BTRC: variants seen among roughly 807,000 people sequenced by gnomAD.
BTRC encodes F-box/WD repeat-containing protein 1A.
Under a neutral mutation model 85.5 loss-of-function variants are expected in BTRC, and 42 were observed. That is an observed-to-expected ratio of 0.49 (90% CI 0.38 to 0.64). The LOEUF is 0.64. Among genes scored for constraint, BTRC ranks in the 30% least tolerant of loss-of-function variants. The probability of loss-of-function intolerance (pLI) is 0.00; values close to 1 mark genes in which losing one functional copy is unlikely to be tolerated. For missense variants in BTRC, 594 were observed against 743.5 expected (o/e 0.80, Z 2.34); for synonymous variants, 255 against 263.3 (o/e 0.97, Z 0.30).
At chr10:101,369,088 G>A (rs758970801) in intron 1 of BTRC, among the ~76,000 whole-genome samples, 5 of 152,052 alleles carry the variant, frequency 3.3e-5, no homozygotes, top group Admixed American at 6.6e-5. Context: ...CTATCCCACC[G>A]TTTTAATTTG....
At position 101,457,124 on chromosome 10, in the gene BTRC, C is replaced by T. The variant is rs569785680; in HGVS notation, c.157-4857C>T. ...TAAGAATAAAATAGAACAGTTATAA[C>T]TATACTGTAATAAAAGTTACATGAA... On this transcript the variant is annotated intron_variant, in intron 2 of 14. Transcript: ENST00000370187. Among the ~76,000 whole-genome samples the T allele has an allele frequency of 2.6e-5, 4 of 152,236 alleles. No individual in the cohort carries two copies. The East Asian group carries it at 7.7e-4, about 29-fold the overall frequency.
intron 1 of BTRC, among the ~76,000 whole-genome samples, chr10:101,404,024 ATATATATT>A (rs1943555227): frequency 4.2e-5 from 1 of 24,074 alleles, no homozygotes; most frequent in South Asian, 2.2e-3. Flanking sequence ...ATATATATAT[ATATATATT>A]TTTTTTTTTT....
In BTRC at chr10:101,498,991, C is replaced by CT. The variant is rs1438215046; in HGVS notation, c.324+19535dup. The stretch of plus-strand genomic sequence containing the variant: ...CTGGGCAACAAGAGCGAGACTCTGT[C>CT]TCAAAAAAAAAACAGAAAAAAATAA... On this transcript the variant is annotated intron_variant, in intron 4 of 14. Transcript: ENST00000370187. 4.6e-5 allele frequency among the ~76,000 whole-genome samples: 7 copies of CT among 151,194 alleles called. No individual in the cohort carries two copies. In the East Asian group the frequency reaches 1.2e-3, roughly 25 times the overall value.
chr10:101,402,499 C>G (rs1943516590), intron 1 of BTRC, among the ~76,000 whole-genome samples: 2 of 152,094 alleles, frequency 1.3e-5, no homozygotes, highest in Admixed American at 1.3e-4. Context: ...AGGAGCTGCT[C>G]CCCCTCTTCG....
chr10:101,366,372 C>T (rs1299927453), intron 1 of BTRC, among the ~76,000 whole-genome samples: 1 of 152,040 alleles, frequency 6.6e-6, no homozygotes, highest in Non-Finnish European at 1.5e-5. Context: ...TTCTCTAGAG[C>T]TTCACAATCT....
At chr10:101,439,017 G>T (rs1343710977) in intron 2 of BTRC, among the ~76,000 whole-genome samples, 1 of 152,120 alleles carries the variant, frequency 6.6e-6, no homozygotes, top group African/African-American at 2.4e-5. Flanking sequence ...CACCCCAGCT[G>T]GCAGTAAGCT....
At chr10:101,365,429 G>A (rs1942342843) in intron 1 of BTRC, among the ~76,000 whole-genome samples, 1 of 150,748 alleles carries the variant, frequency 6.6e-6, no homozygotes, top group Admixed American at 6.6e-5. Context: ...CAGGCTGGGT[G>A]ATATTTCTTT....
chr10:101,415,111 A>G (rs1943894560), intron 1 of BTRC, among the ~76,000 whole-genome samples: 1 of 152,160 alleles, frequency 6.6e-6, no homozygotes, highest in Admixed American at 6.5e-5. Context: ...TAACTCACCC[A>G]GAGCAACTTG....
chr10:101,369,041 G>A (rs1036714999), intron 1 of BTRC, among the ~76,000 whole-genome samples: 5 of 151,918 alleles, frequency 3.3e-5, no homozygotes, highest in African/African-American at 7.3e-5. Flanking sequence ...TAATAACATC[G>A]TCTTTTTCGT....
chr10:101,376,859 A>G (rs1273662065), intron 1 of BTRC, among the ~76,000 whole-genome samples: 1 of 152,168 alleles, frequency 6.6e-6, no homozygotes, highest in African/African-American at 2.4e-5. Flanking sequence ...TTGAATAGGC[A>G]TTCCACTCTC....
intron 4 of BTRC, among the ~76,000 whole-genome samples, chr10:101,498,865 C>T (rs768108827): frequency 8.6e-5 from 13 of 151,902 alleles, no homozygotes; most frequent in African/African-American, 2.7e-4. Flanking sequence ...TAGTGGTGCG[C>T]GCCTGTAATC....
chr10:101,443,469 T>C (rs1288500736), intron 2 of BTRC, among the ~76,000 whole-genome samples: 1 of 152,156 alleles, frequency 6.6e-6, no homozygotes, highest in African/African-American at 2.4e-5. Context: ...GTATAATCAC[T>C]TGATTTATAG....
intron 2 of BTRC, among the ~76,000 whole-genome samples, chr10:101,450,538 A>C (rs1039633037): frequency 2.0e-5 from 3 of 152,164 alleles, no homozygotes; most frequent in Admixed American, 2.0e-4. Flanking sequence ...CTTTTAGGGA[A>C]TAAGCTACAT....
At chr10:101,364,152 G>A (rs527586365) in intron 1 of BTRC, among the ~76,000 whole-genome samples, 1 of 151,998 alleles carries the variant, frequency 6.6e-6, no homozygotes, top group Admixed American at 6.6e-5. Flanking sequence ...CAACTATTGT[G>A]CTTTCTTCTT....
rs2062697719 is a variant in BTRC at position 101,554,296 on chromosome 10, T to C, written c.*1173T>C. 6.6e-6 allele frequency: 1 copy of C among 152,252 alleles called. No individual in the cohort carries two copies. The highest frequency in any genetic ancestry group is 2.4e-5 in the African/African-American group (1 of 41,472). The allele number at this position is 152,252 out of a possible 1,614,324, so 9.4% of individuals were successfully genotyped here. ...CAATCGCTTGGTGCATTCTGCGTAA[T>C]GGTTTCCATCTCCGATTTCCTCATC... On this transcript the variant is annotated 3_prime_UTR_variant, in exon 15 of 15. Coordinates refer to ENST00000370187, the MANE Select transcript of BTRC (RefSeq NM_033637.4).
chr10:101,495,310 A>G (rs1318577850), intron 4 of BTRC, among the ~76,000 whole-genome samples: 1 of 152,232 alleles, frequency 6.6e-6, no homozygotes, highest in Non-Finnish European at 1.5e-5. Context: ...AGTTATAACC[A>G]TTTTTAAGCC....
intron 5 of BTRC, among the ~76,000 whole-genome samples, chr10:101,524,307 A>G (rs573648208): frequency 1.6e-4 from 24 of 152,292 alleles, no homozygotes; most frequent in South Asian, 8.3e-4. Context: ...TGTGTACCTC[A>G]TTACTTTGTT....
intron 4 of BTRC, among the ~76,000 whole-genome samples, chr10:101,519,162 T>C (rs780465597): frequency 1.1e-3 from 156 of 146,598 alleles, no homozygotes; most frequent in Non-Finnish European, 2.2e-3. Flanking sequence ...CACTGCAATC[T>C]CCACCTCCTG....
At chr10:101,488,483 A>G (rs535534235) in intron 4 of BTRC, among the ~76,000 whole-genome samples, 1 of 152,314 alleles carries the variant, frequency 6.6e-6, no homozygotes, top group East Asian at 1.9e-4. Context: ...CAAAGCTCAG[A>G]TATACTAAAA....
Sources: gnomAD v4.1 joint callset for allele counts (sites outside exome capture counted in the v4.1 genomes callset) on GRCh38, gnomAD v4.1.1 for gene constraint, MANE v1.5 for transcripts, NCBI Gene and HGNC (gene_info 2026-07-23, HGNC 2026-07-21) for gene names.